The following TRABD2A variants were observed in gnomAD, a reference collection of about 807,000 sequenced individuals.
TRABD2A encodes the protein TraB domain containing 2A, also known as metalloprotease TIKI1.
Under a neutral mutation model 45.6 loss-of-function variants are expected in TRABD2A, and 43 were observed. That is an observed-to-expected ratio of 0.94 (90% CI 0.74 to 1.22). The LOEUF (loss-of-function observed/expected upper bound fraction) is 1.22. Among genes scored for constraint, TRABD2A ranks in the 50% most tolerant of loss-of-function variants. The probability of loss-of-function intolerance (pLI) is 0.00; values close to 1 mark genes in which losing one functional copy is unlikely to be tolerated. For missense variants in TRABD2A, 642 were observed against 652.4 expected (o/e 0.98, Z 0.17); for synonymous variants, 269 against 265.0 (o/e 1.02, Z -0.15).
chr2:84,870,078 C>T, intron 2 of TRABD2A, 147 bp downstream of exon 2: 1 of 814,120 alleles, frequency 1.2e-6, no homozygotes, highest in Non-Finnish European at 1.9e-6. Context: ...GACCACTTGG[C>T]TTTTTTTTTA....
chr2:84,870,461 T>G lies in TRABD2A; in HGVS notation c.433A>C (p.Lys145Gln). ...AAGAGGTAGTCTGCGTAGAGCCCCTTGCCGCGCTGGTCTGGGGTCATCCAC... is the reference window on the plus strand; with the variant it reads ...AAGAGGTAGTCTGCGTAGAGCCCCTGGCCGCGCTGGTCTGGGGTCATCCAC... ...PLWMTPDQRG[K>Q]GLYADYLFNA... The change falls in exon 2 of 7, where the codon AAG becomes CAG. Residue 145 changes from lysine (K) to glutamine (Q), a missense_variant. By Grantham distance (53) the Lys-to-Gln change is moderately conservative. Transcript: ENST00000409520. 6.2e-7 allele frequency: 1 copy of G among 1,614,022 alleles called. No individual in the cohort carries two copies. Among genetic ancestry groups the G allele is most frequent in the African/African-American group, 1.3e-5 (1 of 75,052 alleles).
intron 2 of TRABD2A, among the ~76,000 whole-genome samples, chr2:84,868,741 A>G (rs920556130): frequency 1.3e-5 from 2 of 152,214 alleles, no homozygotes; most frequent in African/African-American, 2.4e-5. Flanking sequence ...TTGAGCTAAT[A>G]TTTTACTTCC....
intron 2 of TRABD2A, among the ~76,000 whole-genome samples, chr2:84,860,601 T>C (rs1177789709): frequency 1.3e-5 from 2 of 152,246 alleles, no homozygotes; most frequent in East Asian, 3.8e-4. Flanking sequence ...AACCCTCATG[T>C]CCACTGCAGT....
At chr2:84,857,074 A>G (rs996446947) in intron 2 of TRABD2A, among the ~76,000 whole-genome samples, 10 of 152,140 alleles carry the variant, frequency 6.6e-5, no homozygotes, top group African/African-American at 2.2e-4. Context: ...AGCCAAGGAG[A>G]GAGGATTCGC....
At chr2:84,877,983 C>G (rs918104948) in intron 1 of TRABD2A, among the ~76,000 whole-genome samples, 1 of 152,168 alleles carries the variant, frequency 6.6e-6, no homozygotes, top group African/African-American at 2.4e-5. Context: ...AATCCCTACC[C>G]TTATGAAGAT....
intron 2 of TRABD2A, among the ~76,000 whole-genome samples, chr2:84,861,728 G>T (rs147674584): frequency 6.6e-6 from 1 of 152,194 alleles, no homozygotes; most frequent in African/African-American, 2.4e-5. Flanking sequence ...TCCTTTCCCC[G>T]AAAGTCAGGC....
At position 84,822,031 on chromosome 2, in the gene TRABD2A, G is replaced by T; in HGVS notation, c.1404C>A (p.Arg468=). The T allele has an allele frequency of 6.3e-7, 1 of 1,593,506 alleles. No individual in the cohort carries two copies. Among genetic ancestry groups the T allele is most frequent in the South Asian group, 1.1e-5 (1 of 87,338 alleles). The stretch of plus-strand genomic sequence containing the variant: ...TCTGGCTGTGGTGGGAATGCCCACG[G>T]CGAGGGAGCCGCAGTTCAGTGGAGA... ...RHISTELRLP[R]RGHSHHSQMV... Residue 468 remains arginine, a synonymous_variant, in exon 7 of 7, where the codon CGC becomes CGA. Transcript: ENST00000409520.
chr2:84,874,370 G>A (rs982943039), intron 1 of TRABD2A, among the ~76,000 whole-genome samples: 2 of 152,122 alleles, frequency 1.3e-5, no homozygotes, highest in Admixed American at 6.5e-5. Flanking sequence ...CAAGCATTTC[G>A]CCTGGACTGT....
intron 1 of TRABD2A, among the ~76,000 whole-genome samples, chr2:84,873,515 T>C (rs923570396): frequency 4.6e-5 from 7 of 152,212 alleles, no homozygotes; most frequent in African/African-American, 1.7e-4. Context: ...CATCCTCTTA[T>C]GCAGTAATAA....
chr2:84,872,912 C>T (rs547274610), intron 1 of TRABD2A, among the ~76,000 whole-genome samples: 12 of 151,652 alleles, frequency 7.9e-5, no homozygotes, highest in South Asian at 2.1e-4. Flanking sequence ...CTCAGGAGTT[C>T]GCGATCAGCC....
At chr2:84,852,268 A>G (rs956431470) in intron 2 of TRABD2A, among the ~76,000 whole-genome samples, 2 of 152,204 alleles carry the variant, frequency 1.3e-5, no homozygotes, top group African/African-American at 2.4e-5. Context: ...AGGCTCTCTT[A>G]GTGTAGCAGC....
intron 2 of TRABD2A, among the ~76,000 whole-genome samples, chr2:84,862,273 G>C (rs917649670): frequency 6.6e-6 from 1 of 152,252 alleles, no homozygotes; most frequent in Non-Finnish European, 1.5e-5. Context: ...ACTCTTTGGA[G>C]GAGGGATGAA....
At chr2:84,865,666 C>T (rs1048342476) in intron 2 of TRABD2A, among the ~76,000 whole-genome samples, 2 of 152,210 alleles carry the variant, frequency 1.3e-5, no homozygotes, top group African/African-American at 2.4e-5. Flanking sequence ...CACCCCACCA[C>T]GACGTCCGAT....
chr2:84,821,866 G>A lies in TRABD2A; in HGVS notation c.*51C>T. The A allele has an allele frequency of 6.8e-7, 1 of 1,480,004 alleles. No homozygotes were observed. Among genetic ancestry groups the A allele is most frequent in the Non-Finnish European group, 9.0e-7 (1 of 1,108,758 alleles). The allele number at this position is 1,480,004 out of a possible 1,614,324, so 91.7% of individuals were successfully genotyped here. A position where few individuals can be genotyped will look rare whatever the true frequency, so the allele number is the denominator to read the frequency against. ...GACCAGAATGTGGAGTACAGGAATG[G>A]CCATTCTTCAAGTCCGAGGGGTCAG... On this transcript the variant is annotated 3_prime_UTR_variant, in exon 7 of 7. Coordinates refer to ENST00000409520, the MANE Select transcript of TRABD2A (RefSeq NM_001277053.2).
chr2:84,824,004 C>G lies in TRABD2A; in HGVS notation c.1283G>C (p.Arg428Pro). 1.2e-6 allele frequency: 2 copies of G among 1,613,792 alleles called. No individual in the cohort carries two copies. The highest frequency in any genetic ancestry group is 1.1e-5 in the South Asian group (1 of 91,058). Residue 428 changes from arginine to proline, a missense_variant, in exon 6 of 7, where the codon CGG becomes CCG. Physicochemically the swap from Arg to Pro is moderately radical, Grantham distance 103 (BLOSUM62 -2). Coordinates refer to ENST00000409520, the MANE Select transcript of TRABD2A (RefSeq NM_001277053.2). ...GCTGAATTGCCGGAGTCGCGGCCTC[C>G]GCTGTGACCGCCTCCGCTTCTTCCG... is the stretch of plus-strand genomic sequence containing the variant. ...RFRKKRRRSQRRPRLRQFSDL... is the reference protein window; with the variant it reads ...RFRKKRRRSQPRPRLRQFSDL...
chr2:84,862,081 G>A (rs1682519144), intron 2 of TRABD2A, among the ~76,000 whole-genome samples: 2 of 152,262 alleles, frequency 1.3e-5, no homozygotes, highest in South Asian at 4.1e-4. Flanking sequence ...ACCACCTCAG[G>A]GTCCAGGGCA....
At chr2:84,834,740 A>G (rs1441373264) in intron 4 of TRABD2A, 1 of 137,982 alleles carries the variant, frequency 7.2e-6, no homozygotes, top group Non-Finnish European at 1.5e-5. Context: ...TTTATGGCCA[A>G]ATAGTATTCC....
chr2:84,863,338 G>A (rs1284375589), intron 2 of TRABD2A, among the ~76,000 whole-genome samples: 2 of 143,774 alleles, frequency 1.4e-5, no homozygotes, highest in Non-Finnish European at 3.0e-5. Context: ...TCCGCCTCCT[G>A]GGTTCACACC....
At chr2:84,878,331 C>T (rs557713068) in intron 1 of TRABD2A, among the ~76,000 whole-genome samples, 1 of 152,050 alleles carries the variant, frequency 6.6e-6, no homozygotes, top group African/African-American at 2.4e-5. Context: ...TCGAGACCAG[C>T]CTGCTCAAGA....
Sources: allele counts gnomAD v4.1 joint callset (sites outside exome capture counted in the v4.1 genomes callset), GRCh38; gene constraint gnomAD v4.1.1; transcripts MANE v1.5; gene names NCBI Gene and HGNC (gene_info 2026-07-23, HGNC 2026-07-21).